The following SH3RF3 variants were observed in gnomAD, a reference collection of about 807,000 sequenced individuals.
SH3RF3 encodes SH3 domain containing ring finger 3.
A neutral mutation model predicts 66.3 loss-of-function variants in SH3RF3; 29 were observed. The ratio of observed to expected loss-of-function variants is 0.44; its 90% CI spans 0.33 to 0.60. The LOEUF is 0.60. SH3RF3 is among the 20% of genes least tolerant of loss of function. SH3RF3 has a pLI of 0.04. For missense variants in SH3RF3, 1,194 were observed against 1,190.9 expected (o/e 1.00, Z -0.04); for synonymous variants, 583 against 532.0 (o/e 1.10, Z -1.32).
At chr2:109,424,694 C>T (rs1676982856) in intron 5 of SH3RF3, among the ~76,000 whole-genome samples, 1 of 152,212 alleles carries the variant, frequency 6.6e-6, no homozygotes, top group South Asian at 2.1e-4. Context: ...ACCATGCCCA[C>T]ATAAGACAGC....
At chr2:109,295,044 C>T (rs2105376605) in intron 1 of SH3RF3, among the ~76,000 whole-genome samples, 1 of 152,358 alleles carries the variant, frequency 6.6e-6, no homozygotes, top group South Asian at 2.1e-4. Context: ...TCTCAGGATC[C>T]CTGCAGGAAA....
intron 1 of SH3RF3, among the ~76,000 whole-genome samples, chr2:109,266,356 G>T (rs1306748678): frequency 6.6e-6 from 1 of 151,934 alleles, no homozygotes; most frequent in African/African-American, 2.4e-5. Flanking sequence ...GTATACACAG[G>T]ATCCACTCTG....
chr2:109,347,882 G>T lies in SH3RF3; in HGVS notation c.782G>T (p.Gly261Val). ...IQPLPHAPPQ[G>V]KALYDFEMKD... The stretch of plus-strand genomic sequence containing the variant: ...CCCTTGCCACACGCCCCGCCCCAGG[G>T]AAAAGCACTTTATGATTTCGAGATG... The change falls in exon 2 of 10, where the codon GGA (glycine) becomes GTA (valine). Residue 261 changes from glycine to valine, a missense_variant. Coordinates refer to ENST00000309415, the MANE Select transcript of SH3RF3 (RefSeq NM_001099289.3). The T allele has an allele frequency of 6.2e-7, 1 of 1,612,770 alleles. No individual in the cohort carries two copies. The highest frequency in any genetic ancestry group is 8.5e-7 in the Non-Finnish European group (1 of 1,179,432).
At chr2:109,316,198 C>T (rs962832374) in intron 1 of SH3RF3, among the ~76,000 whole-genome samples, 2 of 152,150 alleles carry the variant, frequency 1.3e-5, no homozygotes, top group South Asian at 4.1e-4. Flanking sequence ...GGGAAGGTTC[C>T]ACCAGTGTCC....
At chr2:109,339,098 G>A (rs1341523035) in intron 1 of SH3RF3, among the ~76,000 whole-genome samples, 2 of 152,152 alleles carry the variant, frequency 1.3e-5, no homozygotes, top group South Asian at 2.1e-4. Flanking sequence ...TCATCTTCAC[G>A]TTGTGTGGGC....
chr2:109,173,347 A>T (rs987394059), intron 1 of SH3RF3, among the ~76,000 whole-genome samples: 2 of 152,136 alleles, frequency 1.3e-5, no homozygotes, highest in African/African-American at 2.4e-5. Context: ...CCCGTTATCA[A>T]CCGAGCCGTC....
At chr2:109,469,749 G>A (rs2104718995) in intron 8 of SH3RF3, among the ~76,000 whole-genome samples, 1 of 152,276 alleles carries the variant, frequency 6.6e-6, no homozygotes, top group South Asian at 2.1e-4. Flanking sequence ...TGTTTTTGCT[G>A]AACAAAAGAA....
rs372559016 is a variant in SH3RF3, at chr2:109,436,917, G to T, written c.1599G>T (p.Pro533=). ...VSRVPAGGAG[P]PRNNVVGGSP... ...GGGTGCCTGCAGGAGGGGCAGGGCC[G>T]CCCCGGAATAATGTAGTCGGAGGGT... Residue 533 remains proline, a synonymous_variant, in exon 7 of 10, where the codon CCG becomes CCT. Transcript: ENST00000309415. 4.3e-6 allele frequency: 7 copies of T among 1,613,410 alleles called. No individual in the cohort carries two copies. Among genetic ancestry groups the T allele is most frequent in the Non-Finnish European group, 5.9e-6 (7 of 1,179,856 alleles).
intron 7 of SH3RF3, among the ~76,000 whole-genome samples, chr2:109,441,595 C>G (rs1677565735): frequency 6.6e-6 from 1 of 152,110 alleles, no homozygotes; most frequent in Non-Finnish European, 1.5e-5. Flanking sequence ...TTGGAGGTCT[C>G]CAATGTAGAG....
chr2:109,330,973 G>A (rs1484497374), intron 1 of SH3RF3, among the ~76,000 whole-genome samples: 2 of 152,216 alleles, frequency 1.3e-5, no homozygotes, highest in African/African-American at 2.4e-5. Flanking sequence ...TAAAGGTTGT[G>A]CCATGCATTA....
At chr2:109,305,135 T>C (rs1681561350) in intron 1 of SH3RF3, among the ~76,000 whole-genome samples, 1 of 152,178 alleles carries the variant, frequency 6.6e-6, no homozygotes, top group Non-Finnish European at 1.5e-5. Context: ...TATTAATCTC[T>C]TAGAAAGGGG....
intron 1 of SH3RF3, among the ~76,000 whole-genome samples, chr2:109,153,696 G>A (rs1677272611): frequency 6.6e-6 from 1 of 152,202 alleles, no homozygotes; most frequent in African/African-American, 2.4e-5. Flanking sequence ...TCTTGATCTA[G>A]TCTCCAGGGT....
Position 109,499,400 on chromosome 2 carries a change from T to C in SH3RF3, c.2481-2103T>C, listed in dbSNP as rs183731250. On this transcript the variant is annotated intron_variant, in intron 9 of 9. Transcript: ENST00000309415. ...TGCCTGCCACAAAATCCACCACATG[T>C]GGGATCTGGGCTTTAGATGTGCGGT... is the stretch of plus-strand genomic sequence containing the variant. Among the ~76,000 whole-genome samples, 1,016 of 152,230 alleles carry C rather than the reference T, an allele frequency of 6.7e-3. 18 individuals are homozygous for C. The highest frequency in any genetic ancestry group is 0.023 in the African/African-American group (973 of 41,550).
At chr2:109,482,161 A>G (rs1678852189) in intron 8 of SH3RF3, among the ~76,000 whole-genome samples, 1 of 152,158 alleles carries the variant, frequency 6.6e-6, no homozygotes, top group Non-Finnish European at 1.5e-5. Flanking sequence ...TCTCTTGTTC[A>G]GCATCTCAGA....
At chr2:109,184,443 G>A (rs1678140661) in intron 1 of SH3RF3, among the ~76,000 whole-genome samples, 1 of 152,196 alleles carries the variant, frequency 6.6e-6, no homozygotes, top group South Asian at 2.1e-4. Context: ...TATTGCTGTG[G>A]CGGGGCCCTG....
At chr2:109,252,736 A>G (rs775460106) in intron 1 of SH3RF3, among the ~76,000 whole-genome samples, 1 of 152,234 alleles carries the variant, frequency 6.6e-6, no homozygotes, top group Non-Finnish European at 1.5e-5. Flanking sequence ...GGCTAATGTA[A>G]TCAGCCTACA....
Position 109,470,947 on chromosome 2 carries a change from C to T in SH3RF3, c.2149-19658C>T, listed in dbSNP as rs181943797. ...GAAATACCAGAGACTAGGCTGGGTG[C>T]GGTGGCTCACGCCTGTAATCCCAGC... On this transcript the variant is annotated intron_variant, in intron 8 of 9. Transcript: ENST00000309415. Among the ~76,000 whole-genome samples the T allele has an allele frequency of 4.3e-3, 657 of 152,210 alleles. 3 individuals are homozygous for T. The highest frequency in any genetic ancestry group is 5.2e-3 in the South Asian group (25 of 4,830).
intron 1 of SH3RF3, among the ~76,000 whole-genome samples, chr2:109,203,444 C>T (rs1471297856): frequency 2.0e-5 from 3 of 152,194 alleles, no homozygotes; most frequent in Non-Finnish European, 2.9e-5. Flanking sequence ...CACTGTATCC[C>T]TGGCCATGAC....
intron 8 of SH3RF3, among the ~76,000 whole-genome samples, chr2:109,486,733 G>T (rs1678988314): frequency 6.6e-6 from 1 of 151,736 alleles, no homozygotes; most frequent in African/African-American, 2.4e-5. Context: ...AGAGGAAGGG[G>T]AGGGGGAAGC....
Sources: allele counts gnomAD v4.1 joint callset (sites outside exome capture counted in the v4.1 genomes callset), GRCh38; gene constraint gnomAD v4.1.1; transcripts MANE v1.5; gene names NCBI Gene and HGNC (gene_info 2026-07-23, HGNC 2026-07-21).